The following TRIM55 variants were observed in gnomAD, a reference collection of about 807,000 sequenced individuals.
TRIM55 encodes tripartite motif-containing protein 55.
A neutral mutation model predicts 60.9 loss-of-function variants in TRIM55; 50 were observed. The ratio of observed to expected loss-of-function variants is 0.82; its 90% CI spans 0.65 to 1.04. The LOEUF (loss-of-function observed/expected upper bound fraction) is 1.04, where lower values mean the gene tolerates loss of function less well. Among genes scored for constraint, TRIM55 ranks in the 50% least tolerant of loss-of-function variants. TRIM55 has a pLI of 0.00. For missense variants in TRIM55, 681 were observed against 666.9 expected, an observed-to-expected ratio of 1.02 and a Z score of -0.23; for synonymous variants, 237 against 238.1, an observed-to-expected ratio of 1.00 and a Z score of 0.04.
intron 9 of TRIM55, among the ~76,000 whole-genome samples, chr8:66,166,166 A>T (rs568320199): frequency 5.3e-5 from 8 of 152,354 alleles, no homozygotes; most frequent in African/African-American, 1.9e-4. Flanking sequence ...TCAGGATCAA[A>T]TGGCATCCTA....
At chr8:66,149,399 T>C (rs1810278848) in intron 4 of TRIM55, among the ~76,000 whole-genome samples, 2 of 152,222 alleles carry the variant, frequency 1.3e-5, no homozygotes, top group Admixed American at 1.3e-4. Flanking sequence ...GAACAGAAGA[T>C]TGAAAAACCA....
At chr8:66,147,545 C>T (rs1278444609) in intron 4 of TRIM55, among the ~76,000 whole-genome samples, 1 of 151,926 alleles carries the variant, frequency 6.6e-6, no homozygotes, top group Non-Finnish European at 1.5e-5. Flanking sequence ...GCCTGTAATC[C>T]CAGCACTTTG....
At chr8:66,146,747 G>A (rs559537804) in intron 4 of TRIM55, among the ~76,000 whole-genome samples, 7 of 152,312 alleles carry the variant, frequency 4.6e-5, no homozygotes, top group Middle Eastern at 3.4e-3. Context: ...TGATTGGAAA[G>A]CTACTAATAG....
intron 9 of TRIM55, chr8:66,155,602 TTTC>T (rs765210948): frequency 2.0e-6 from 3 of 1,509,804 alleles, no homozygotes; most frequent in Non-Finnish European, 2.7e-6. Flanking sequence ...TCAGTGAAGC[TTTC>T]TTCTTGTTTT....
At chr8:66,153,723 T>C (rs1024584422) in intron 8 of TRIM55, among the ~76,000 whole-genome samples, 3 of 152,214 alleles carry the variant, frequency 2.0e-5, no homozygotes, top group Admixed American at 1.3e-4. Flanking sequence ...TTCTAGTCAA[T>C]AGTTTGACCC....
chr8:66,145,421 T>C (rs1212767961), intron 4 of TRIM55, among the ~76,000 whole-genome samples: 2 of 152,198 alleles, frequency 1.3e-5, no homozygotes, highest in Non-Finnish European at 2.9e-5. Context: ...GAGAAAAAAG[T>C]TTTTTCCATT....
At chr8:66,128,889 G>A (rs1250224982) in intron 2 of TRIM55, among the ~76,000 whole-genome samples, 2 of 152,102 alleles carry the variant, frequency 1.3e-5, no homozygotes, top group Non-Finnish European at 2.9e-5. Context: ...AATAGAAATG[G>A]CATCTTCCGA....
intron 8 of TRIM55, among the ~76,000 whole-genome samples, chr8:66,153,694 G>A (rs990613708): frequency 1.3e-5 from 2 of 152,138 alleles, no homozygotes; most frequent in African/African-American, 2.4e-5. Flanking sequence ...TGGGACTCAC[G>A]TATAAAGCCA....
At chr8:66,132,463 T>A (rs1234474134) in intron 2 of TRIM55, among the ~76,000 whole-genome samples, 1 of 151,962 alleles carries the variant, frequency 6.6e-6, no homozygotes, top group Non-Finnish European at 1.5e-5. Flanking sequence ...AAAAAAAATA[T>A]CAGTTTGACT....
intron 9 of TRIM55, chr8:66,155,546 G>A: frequency 8.4e-7 from 1 of 1,185,808 alleles, no homozygotes. Flanking sequence ...AAGCCAAAAT[G>A]AAAAGTCCAT....
intron 8 of TRIM55, among the ~76,000 whole-genome samples, chr8:66,153,126 T>C (rs920872380): frequency 9.2e-5 from 14 of 152,178 alleles, no homozygotes; most frequent in Admixed American, 9.2e-4. Flanking sequence ...ATTGAGGGGG[T>C]AAATAGAGAA....
intron 9 of TRIM55, among the ~76,000 whole-genome samples, chr8:66,173,110 C>T (rs928614417): frequency 1.3e-5 from 2 of 152,168 alleles, no homozygotes; most frequent in Non-Finnish European, 2.9e-5. Context: ...GTATCTGACA[C>T]ATTACCAACA....
At chr8:66,115,216 A>G in the TRIM55 span, 1 of 152,296 alleles carries the variant, frequency 6.6e-6, no homozygotes, top group African/African-American at 2.4e-5. Context: ...GGCAACCTGT[A>G]TGCTTTTGTT....
intron 9 of TRIM55, among the ~76,000 whole-genome samples, chr8:66,163,844 C>CT (rs1470040136): frequency 6.6e-6 from 1 of 152,136 alleles, no homozygotes; most frequent in African/African-American, 2.4e-5. Context: ...TTCAGTTTAC[C>CT]TGTTTCATCA....
rs1050529828 is a variant in TRIM55 at position 66,174,823 on chromosome 8, T to C, written c.*230T>C. ...ACTGGAAATAATAAACTTGATCTTA[T>C]ACAAATCTTCTATTGTGTGGAAAAT... On this transcript the variant is annotated 3_prime_UTR_variant, in exon 10 of 10. Coordinates refer to ENST00000315962, the MANE Select transcript of TRIM55 (RefSeq NM_184085.2). 3.1e-6 allele frequency: 1 copy of C among 317,914 alleles called. No homozygotes were observed. The highest frequency in any genetic ancestry group is 5.7e-6 in the Non-Finnish European group (1 of 176,304). 19.7% of individuals were successfully genotyped at this position (317,914 alleles called of 1,614,324 possible). A position where few individuals can be genotyped will look rare whatever the true frequency, so the allele number is the denominator to read the frequency against.
At chr8:66,154,009 T>G (rs771108194) in intron 8 of TRIM55, 38 bp from the exon 9 acceptor site, 1 of 1,555,134 alleles carries the variant, frequency 6.4e-7, no homozygotes. Flanking sequence ...TCTTCTTTTT[T>G]TTTTTCTTTA....
intron 4 of TRIM55, among the ~76,000 whole-genome samples, chr8:66,138,423 A>T (rs565706579): frequency 6.6e-6 from 1 of 152,188 alleles, no homozygotes; most frequent in East Asian, 1.9e-4. Context: ...GGAGTCTCAC[A>T]CTGTCACCCA....
chr8:66,138,826 G>A (rs1586188518), intron 4 of TRIM55, among the ~76,000 whole-genome samples: 1 of 152,198 alleles, frequency 6.6e-6, no homozygotes, highest in East Asian at 1.9e-4. Context: ...GAAGCAAAAT[G>A]CTTAGCACAG....
chr8:66,164,203 G>C lies in TRIM55; in HGVS notation c.1524+9869G>C, dbSNP rs138393603. Among the ~76,000 whole-genome samples the C allele has an allele frequency of 1.6e-3, 247 of 152,224 alleles. 1 individual carries two copies. Among genetic ancestry groups the C allele is most frequent in the Admixed American group, 4.1e-3 (62 of 15,290 alleles). ...TTCCACATGGCAGGCCATGGGGAAG[G>C]CTTCACTGCCTGAGTCCAACAAGCC... On this transcript the variant is annotated intron_variant, in intron 9 of 9. Coordinates refer to ENST00000315962, the MANE Select transcript of TRIM55 (RefSeq NM_184085.2).
Sources: gnomAD v4.1 joint callset for allele counts (sites outside exome capture counted in the v4.1 genomes callset) on GRCh38, gnomAD v4.1.1 for gene constraint, MANE v1.5 for transcripts, NCBI Gene and HGNC (gene_info 2026-07-23, HGNC 2026-07-21) for gene names.